MAST4: variants seen among roughly 807,000 people sequenced by gnomAD.
MAST4 encodes the protein microtubule associated serine/threonine kinase family member 4, also known as microtubule-associated serine/threonine-protein kinase 4.
In MAST4, 89 loss-of-function variants were observed where a neutral mutation model predicts 162.7. The ratio of observed to expected loss-of-function variants is 0.55; its 90% CI spans 0.46 to 0.65. MAST4 has a LOEUF of 0.65. Among genes scored for constraint, MAST4 ranks in the 30% least tolerant of loss-of-function variants. The probability of loss-of-function intolerance (pLI) is 0.00; values close to 1 mark genes in which losing one functional copy is unlikely to be tolerated. For synonymous variants in MAST4, 1,479 were observed against 1,361.1 expected (o/e 1.09, Z -1.91); for missense variants, 3,153 against 3,374.0 (o/e 0.93, Z 1.62).
chr5:66,623,760 C>T (rs949090514), intron 1 of MAST4, among the ~76,000 whole-genome samples: 1 of 152,096 alleles, frequency 6.6e-6, no homozygotes, highest in East Asian at 1.9e-4. Context: ...ACTGGAAGTC[C>T]TAGGCAGAGA....
chr5:66,873,324 G>T (rs144111534), intron 3 of MAST4, among the ~76,000 whole-genome samples: 274 of 152,332 alleles, frequency 1.8e-3, no homozygotes, highest in Non-Finnish European at 2.0e-3. Context: ...ATGGAAATGT[G>T]CATGTATGTA....
intron 4 of MAST4, among the ~76,000 whole-genome samples, chr5:66,910,744 T>TG (rs1763695750): frequency 2.6e-4 from 9 of 34,822 alleles, no homozygotes; most frequent in Admixed American, 9.3e-4. Context: ...TTTTTTTCTT[T>TG]TTTTTTTTTT....
chr5:67,136,975 A>T (rs570568651), intron 19 of MAST4, among the ~76,000 whole-genome samples: 1 of 152,312 alleles, frequency 6.6e-6, no homozygotes, highest in African/African-American at 2.4e-5. Flanking sequence ...GGCACATGTA[A>T]CTCTTCTATC....
intron 3 of MAST4, among the ~76,000 whole-genome samples, chr5:66,857,838 G>A (rs532174939): frequency 9.9e-4 from 150 of 152,180 alleles, no homozygotes; most frequent in Non-Finnish European, 1.6e-3. Context: ...GTAGAGGACC[G>A]AATTTTAATG....
chr5:66,891,637 G>C (rs1210622013), intron 3 of MAST4, among the ~76,000 whole-genome samples: 1 of 152,040 alleles, frequency 6.6e-6, no homozygotes, highest in East Asian at 1.9e-4. Context: ...CTCTGTTCCA[G>C]CCATGTTGTT....
intron 4 of MAST4, among the ~76,000 whole-genome samples, chr5:67,029,375 T>G (rs558668708): frequency 9.8e-5 from 15 of 152,300 alleles, no homozygotes; most frequent in African/African-American, 3.1e-4. Flanking sequence ...TATACTTATG[T>G]TTCCCATAGG....
intron 1 of MAST4, among the ~76,000 whole-genome samples, chr5:66,722,072 C>T (rs1370660520): frequency 1.3e-5 from 2 of 152,040 alleles, no homozygotes; most frequent in African/African-American, 2.4e-5. Context: ...CCTGCCCCAC[C>T]CCCATGGTGT....
intron 3 of MAST4, among the ~76,000 whole-genome samples, chr5:66,843,394 C>A (rs1328272274): frequency 6.6e-6 from 1 of 152,152 alleles, no homozygotes; most frequent in Admixed American, 6.5e-5. Flanking sequence ...TACAAGTTAG[C>A]CTTCCTGAAC....
intron 2 of MAST4, among the ~76,000 whole-genome samples, chr5:66,775,075 G>A (rs531628375): frequency 9.9e-5 from 15 of 150,978 alleles, no homozygotes; most frequent in African/African-American, 3.4e-4. Flanking sequence ...TAGTCACATG[G>A]GAGTCAGACA....
chr5:66,876,862 T>C (rs1193066767), intron 3 of MAST4, among the ~76,000 whole-genome samples: 1 of 152,150 alleles, frequency 6.6e-6, no homozygotes, highest in African/African-American at 2.4e-5. Context: ...ATTTAGCCAT[T>C]GGAAGCAACA....
intron 4 of MAST4, among the ~76,000 whole-genome samples, chr5:66,987,754 T>G (rs1457662381): frequency 6.6e-6 from 1 of 152,166 alleles, no homozygotes; most frequent in Non-Finnish European, 1.5e-5. Context: ...ACAGTGCTAG[T>G]GCTGTCCTAG....
chr5:66,847,820 C>CAAAAAAAAAAAAAAAAAAAAAAAAAAA (rs777825639), intron 3 of MAST4, among the ~76,000 whole-genome samples: 10 of 54,146 alleles, frequency 1.8e-4, no homozygotes, highest in East Asian at 1.4e-3. Flanking sequence ...GACTCCTTCT[C>CAAAAAAAAAAAAAAAAAAAAAAAAAAA]AAAAAAAAAA....
chr5:67,070,083 A>G lies in MAST4; in HGVS notation c.763+15591A>G, dbSNP rs369514473. On this transcript the variant is annotated intron_variant, in intron 5 of 28. Transcript: ENST00000403625. ...ATGCACACATTCCAGCATCCTTGAA[A>G]TTGAAAGAAAAAAAAATAGGTGAAT... Among the ~76,000 whole-genome samples the G allele has an allele frequency of 6.6e-5, 10 of 152,258 alleles. No individual in the cohort carries two copies. The East Asian group carries it at 1.2e-3, about 18-fold the overall frequency.
intron 2 of MAST4, among the ~76,000 whole-genome samples, chr5:66,785,027 C>T (rs879909758): frequency 1.8e-4 from 27 of 152,006 alleles, no homozygotes; most frequent in African/African-American, 5.3e-4. Flanking sequence ...TGCAGTGAGC[C>T]GAGATTGTGC....
At chr5:66,778,590 T>C (rs1754708945) in intron 2 of MAST4, among the ~76,000 whole-genome samples, 1 of 152,212 alleles carries the variant, frequency 6.6e-6, no homozygotes, top group Admixed American at 6.5e-5. Context: ...AGGTCAAATA[T>C]ATTTCTCTTT....
intron 4 of MAST4, among the ~76,000 whole-genome samples, chr5:67,033,818 G>A (rs2150447571): frequency 1.3e-5 from 2 of 152,200 alleles, no homozygotes; most frequent in Middle Eastern, 6.8e-3. Flanking sequence ...TCAAAGAAAA[G>A]TATCAGTTTA....
chr5:66,837,977 TAAC>T (rs1461027641), intron 3 of MAST4, among the ~76,000 whole-genome samples: 2 of 145,822 alleles, frequency 1.4e-5, no homozygotes, highest in African/African-American at 5.1e-5. Flanking sequence ...AGCTTCCAAA[TAAC>T]AACAATGATA....
At chr5:66,961,104 T>C (rs1745957688) in intron 4 of MAST4, among the ~76,000 whole-genome samples, 1 of 152,226 alleles carries the variant, frequency 6.6e-6, no homozygotes, top group Non-Finnish European at 1.5e-5. Flanking sequence ...AACATTTTGT[T>C]TACCTTGAAA....
chr5:67,136,586 G>A lies in MAST4; in HGVS notation c.2416G>A (p.Asp806Asn), dbSNP rs1401126305. Residue 806 changes from aspartate (D) to asparagine (N), a missense_variant, in exon 19 of 29, where the codon GAT (aspartate) becomes AAT (asparagine). Transcript: ENST00000403625. Reference protein sequence around the residue: ...ISDEINWPEKDEAPPPDAQDL... With the variant: ...ISDEINWPEKNEAPPPDAQDL... Reference sequence around the variant, plus strand: ...AGATGAGATCAACTGGCCTGAGAAGGATGAGGCACCCCCACCTGATGCCCA... The same window carrying A: ...AGATGAGATCAACTGGCCTGAGAAGAATGAGGCACCCCCACCTGATGCCCA... 1 of 1,605,792 alleles carries A rather than the reference G, an allele frequency of 6.2e-7. No homozygotes were observed. The highest frequency in any genetic ancestry group is 8.5e-7 in the Non-Finnish European group (1 of 1,176,072).
Sources: allele counts gnomAD v4.1 joint callset (sites outside exome capture counted in the v4.1 genomes callset), GRCh38; gene constraint gnomAD v4.1.1; transcripts MANE v1.5; gene names NCBI Gene and HGNC (gene_info 2026-07-23, HGNC 2026-07-21).